The following NCR3 variants were observed in gnomAD, a reference collection of about 807,000 sequenced individuals.
NCR3 encodes NK-p30.
NCR3 carries 13 observed loss-of-function variants against 16.1 expected under a neutral mutation model. That is an observed-to-expected ratio of 0.81 (90% CI 0.53 to 1.28). NCR3 has a LOEUF of 1.28. Among genes scored for constraint, NCR3 ranks in the 50% most tolerant of loss-of-function variants. NCR3 has a pLI of 0.00. For missense variants in NCR3, 202 were observed against 256.8 expected, an observed-to-expected ratio of 0.79 and a Z score of 1.46; for synonymous variants, 98 against 106.6, an observed-to-expected ratio of 0.92 and a Z score of 0.50.
rs1319773587 is a variant in NCR3 at position 31,589,262 on chromosome 6, T to C, written c.497-86A>G. Reference sequence around the variant, plus strand: ...GAATGGAGAAGAAAACACTTGAGACTCATGAGGAGTTAGTGGTGGGGCAGA... The same window carrying C: ...GAATGGAGAAGAAAACACTTGAGACCCATGAGGAGTTAGTGGTGGGGCAGA... On this transcript the variant is annotated intron_variant, in intron 3 of 3. Coordinates refer to ENST00000340027, the MANE Select transcript of NCR3 (RefSeq NM_147130.3). The surrounding 1 kb of genome is among the most constrained non-coding windows in gnomAD (Gnocchi z 4.8). 3 of 1,558,430 alleles carry C rather than the reference T, an allele frequency of 1.9e-6. No individual in the cohort carries two copies. The highest frequency in any genetic ancestry group is 2.6e-6 in the Non-Finnish European group (3 of 1,150,476).
Position 31,589,843 on chromosome 6 carries a change from T to C in NCR3, c.327A>G (p.Arg109=), listed in dbSNP as rs1490893973. 11 of 1,613,070 alleles carry C rather than the reference T, an allele frequency of 6.8e-6. No individual in the cohort carries two copies. The highest frequency in any genetic ancestry group is 2.7e-5 in the African/African-American group (2 of 74,908). Residue 109 remains arginine, a synonymous_variant, in exon 2 of 4, where the codon AGA becomes AGG. Transcript: ENST00000340027. The surrounding 1 kb of genome is among the most constrained non-coding windows in gnomAD (Gnocchi z 4.8). The part of the protein sequence containing the change: ...RGHDASIYVC[R]VEVLGLGVGT... ...CGACACCAAGGCCCAGCACCTCCAC[T>C]CTGCACACGTAGATGCTGGCGTCAT...
chr6:31,591,130 G>A (rs1433806135), intron 1 of NCR3, among the ~76,000 whole-genome samples: 6 of 152,062 alleles, frequency 3.9e-5, no homozygotes, highest in Non-Finnish European at 8.8e-5. Context: ...CACCTGCCTC[G>A]GCCTCCCAAA....
At position 31,589,230 on chromosome 6, in the gene NCR3, A is replaced by T. The variant is rs779734584; in HGVS notation, c.497-54T>A. ...GGAATCCGGAGAGAGTAGATTTGGCATCTGGAGAATGGAGAAGAAAACACT... is the reference window on the plus strand; with the variant it reads ...GGAATCCGGAGAGAGTAGATTTGGCTTCTGGAGAATGGAGAAGAAAACACT... On this transcript the variant is annotated intron_variant, in intron 3 of 3. Coordinates refer to ENST00000340027, the MANE Select transcript of NCR3 (RefSeq NM_147130.3). This position sits in a 1 kb window ranked among gnomAD's most constrained non-coding sequence, Gnocchi z 4.8. 26 of 1,586,298 alleles carry T rather than the reference A, an allele frequency of 1.6e-5. No individual in the cohort carries two copies. The highest frequency in any genetic ancestry group is 2.1e-5 in the Non-Finnish European group (25 of 1,165,686).
Position 31,589,082 on chromosome 6 carries a change from TG to T in NCR3, c.590del (p.Pro197GlnfsTer63), listed in dbSNP as rs1341012776. On this transcript the variant is annotated frameshift_variant, in exon 4 of 4. Coordinates refer to ENST00000340027, the MANE Select transcript of NCR3 (RefSeq NM_147130.3). LOFTEE classifies it high-confidence loss of function. The surrounding 1 kb of genome is among the most constrained non-coding windows in gnomAD (Gnocchi z 4.8). The stretch of plus-strand genomic sequence containing the variant: ...ACAATCAGGCTCAGCCTCCTGGGAC[TG>T]GGGGAAGCAGATGTGCTGAGCTCCC... Reference protein sequence around the residue: ...PCGSSAHLLPPVPGG With the variant: ...PCGSSAHLLPXVPGG 6.3e-7 allele frequency: 1 copy of T among 1,594,012 alleles called. No homozygotes were observed. Among genetic ancestry groups the T allele is most frequent in the African/African-American group, 1.3e-5 (1 of 74,218 alleles).
intron 1 of NCR3, among the ~76,000 whole-genome samples, chr6:31,590,996 C>T (rs1424644181): frequency 2.0e-5 from 3 of 152,056 alleles, no homozygotes; most frequent in Admixed American, 6.6e-5. Flanking sequence ...CCCACCACCA[C>T]GACTGGCTAA....
chr6:31,590,128 TG>T lies in NCR3; in HGVS notation c.44-3del, dbSNP rs747211099. ...GGGACACCCAGAGAGCACAGGATCC[TG>T]GGGGCAGAAGGAAGACCCAGAGAAA... On this transcript the variant is annotated splice_polypyrimidine_tract_variant and splice_region_variant and intron_variant, in intron 1 of 3. Transcript: ENST00000340027. 352 of 1,602,380 alleles carry T rather than the reference TG, an allele frequency of 2.2e-4. 2 individuals carry two copies. In the Middle Eastern group the frequency reaches 4.0e-3, roughly 18 times the overall value.
At position 31,589,591 on chromosome 6, in the gene NCR3, G is replaced by T; in HGVS notation, c.431C>A (p.Ala144Asp). The change falls in exon 3 of 4, where the codon GCT becomes GAT. Residue 144 changes from alanine to aspartate, a missense_variant. Coordinates refer to ENST00000340027, the MANE Select transcript of NCR3 (RefSeq NM_147130.3). This position sits in a 1 kb window ranked among gnomAD's most constrained non-coding sequence, Gnocchi z 4.8. ...LGAGTVLLLR[A>D]GFYAVSFLSV... ...GAGAAAGCTGACAGCATAGAATCCA[G>T]CCCGAAGGAGGAGGACTGTACCAGC... The T allele has an allele frequency of 6.2e-7, 1 of 1,613,952 alleles. No homozygotes were observed. Among genetic ancestry groups the T allele is most frequent in the Non-Finnish European group, 8.5e-7 (1 of 1,180,032 alleles).
At chr6:31,590,271 C>A in intron 1 of NCR3, 145 bp from the exon 2 acceptor site, 1 of 669,096 alleles carries the variant, frequency 1.5e-6, no homozygotes, top group Non-Finnish European at 2.5e-6. Flanking sequence ...TTAAACCCTT[C>A]CCTCTTAACC....
Position 31,589,653 on chromosome 6 carries a change from C to T in NCR3, c.389-20G>A, listed in dbSNP as rs1463828279. ...GATGTTCTGCATGGGGCAATGGAGA[C>T]GGGGGTTGGGGAAGAAGTGCACACA... On this transcript the variant is annotated intron_variant, in intron 2 of 3. Coordinates refer to ENST00000340027, the MANE Select transcript of NCR3 (RefSeq NM_147130.3). This position sits in a 1 kb window ranked among gnomAD's most constrained non-coding sequence, Gnocchi z 4.8. 1.2e-6 allele frequency: 2 copies of T among 1,612,622 alleles called. No homozygotes were observed. Among genetic ancestry groups the T allele is most frequent in the South Asian group, 1.1e-5 (1 of 91,056 alleles).
chr6:31,589,240 T>C lies in NCR3; in HGVS notation c.497-64A>G, dbSNP rs1326699750. ...GAGAGTAGATTTGGCATCTGGAGAA[T>C]GGAGAAGAAAACACTTGAGACTCAT... On this transcript the variant is annotated intron_variant, in intron 3 of 3. Coordinates refer to ENST00000340027, the MANE Select transcript of NCR3 (RefSeq NM_147130.3). This position sits in a 1 kb window ranked among gnomAD's most constrained non-coding sequence, Gnocchi z 4.8. 11 of 1,575,728 alleles carry C rather than the reference T, an allele frequency of 7.0e-6. No homozygotes were observed. The highest frequency in any genetic ancestry group is 1.4e-5 in the African/African-American group (1 of 73,948).
At position 31,588,934 on chromosome 6, in the gene NCR3, TG is replaced by T; in HGVS notation, c.*132del. The T allele has an allele frequency of 9.6e-7, 1 of 1,036,394 alleles. No homozygotes were observed. The highest frequency in any genetic ancestry group is 1.4e-6 in the Non-Finnish European group (1 of 724,264). The allele number at this position is 1,036,394 out of a possible 1,614,324, so 64.2% of individuals were successfully genotyped here. A position where few individuals can be genotyped will look rare whatever the true frequency, so the allele number is the denominator to read the frequency against. ...ACTCTGGGGTCAAATAGTAATTTAT[TG>T]GGTGAATGACAGTGTTCAGGGACCC... On this transcript the variant is annotated 3_prime_UTR_variant, in exon 4 of 4. Coordinates refer to ENST00000340027, the MANE Select transcript of NCR3 (RefSeq NM_147130.3).
rs772281371 is a variant in NCR3 at position 31,589,292 on chromosome 6, T to C, written c.497-116A>G. The C allele has an allele frequency of 1.9e-6, 3 of 1,552,480 alleles. No individual in the cohort carries two copies. Among genetic ancestry groups the C allele is most frequent in the Non-Finnish European group, 1.7e-6 (2 of 1,147,240 alleles). ...AGGAGTTAGTGGTGGGGCAGATTTA[T>C]TGGGGTCTTTTGAAGAGGACTAGGG... On this transcript the variant is annotated intron_variant, in intron 3 of 3. Coordinates refer to ENST00000340027, the MANE Select transcript of NCR3 (RefSeq NM_147130.3). This position sits in a 1 kb window ranked among gnomAD's most constrained non-coding sequence, Gnocchi z 4.8.
At chr6:31,592,031 C>T (rs578034929) in intron 1 of NCR3, among the ~76,000 whole-genome samples, 2 of 152,224 alleles carry the variant, frequency 1.3e-5, no homozygotes, top group South Asian at 4.1e-4. Context: ...AGGCAGATCA[C>T]CTGAGGTCAG....
At position 31,589,864 on chromosome 6, in the gene NCR3, G is replaced by A. The variant is rs745812938; in HGVS notation, c.306C>T (p.Asp102=). Residue 102 remains aspartate (D), a synonymous_variant, in exon 2 of 4, where the codon GAC becomes GAT. Coordinates refer to ENST00000340027, the MANE Select transcript of NCR3 (RefSeq NM_147130.3). The surrounding 1 kb of genome is among the most constrained non-coding windows in gnomAD (Gnocchi z 4.8). ...ELHIRDVRGH[D]ASIYVCRVEV... ...CCACTCTGCACACGTAGATGCTGGCGTCATGGCCTCGCACGTCCCGGATGT... is the reference window on the plus strand; with the variant it reads ...CCACTCTGCACACGTAGATGCTGGCATCATGGCCTCGCACGTCCCGGATGT... The A allele has an allele frequency of 6.8e-6, 11 of 1,613,092 alleles. No homozygotes were observed. Among genetic ancestry groups the A allele is most frequent in the East Asian group, 4.5e-5 (2 of 44,900 alleles).
At chr6:31,591,314 T>C (rs1202616931) in intron 1 of NCR3, among the ~76,000 whole-genome samples, 1 of 152,254 alleles carries the variant, frequency 6.6e-6, no homozygotes, top group Non-Finnish European at 1.5e-5. Context: ...CAAGTCATTC[T>C]ATTTCAGTGG....
Position 31,592,850 on chromosome 6 carries a change from G to T in NCR3, c.-129C>A, listed in dbSNP as rs1222789537. On this transcript the variant is annotated 5_prime_UTR_variant, in exon 1 of 4. Coordinates refer to ENST00000340027, the MANE Select transcript of NCR3 (RefSeq NM_147130.3). ...ATGGGGAGCTTCCTATGACACACGG[G>T]ACTCACACATCACTTGCCAAGGACC... 3.3e-6 allele frequency: 3 copies of T among 903,130 alleles called. No homozygotes were observed. The highest frequency in any genetic ancestry group is 2.6e-5 in the East Asian group (1 of 38,844). 55.9% of individuals were successfully genotyped at this position (903,130 alleles called of 1,614,324 possible).
Position 31,592,016 on chromosome 6 carries a change from G to A in NCR3, c.43+663C>T, listed in dbSNP as rs556719943. 1.3e-4 allele frequency among the ~76,000 whole-genome samples: 19 copies of A among 151,706 alleles called. No homozygotes were observed. The South Asian group carries it at 2.3e-3, about 18-fold the overall frequency. ...TGTAATCCCCGCACTTTAGGAGGCC[G>A]AGGCAGGCAGATCACCTGAGGTCAG... On this transcript the variant is annotated intron_variant, in intron 1 of 3. Coordinates refer to ENST00000340027, the MANE Select transcript of NCR3 (RefSeq NM_147130.3).
chr6:31,589,529 T>C lies in NCR3; in HGVS notation c.493A>G (p.Lys165Glu). ...TGCCCCTGGCTCCATTACTCACATT[T>C]GCCCTGGTAATAGACGGTGCTGCCC... ...AVGSTVYYQG[K>E]CLTWKGPRRQ... The change falls in exon 3 of 4, where the codon AAA becomes GAA. Residue 165 changes from lysine (K) to glutamate (E), a missense_variant. By Grantham distance (56) the Lys-to-Glu change is moderately conservative. Coordinates refer to ENST00000340027, the MANE Select transcript of NCR3 (RefSeq NM_147130.3). The surrounding 1 kb of genome is among the most constrained non-coding windows in gnomAD (Gnocchi z 4.8). The C allele has an allele frequency of 1.2e-6, 2 of 1,614,052 alleles. No homozygotes were observed. The highest frequency in any genetic ancestry group is 1.7e-6 in the Non-Finnish European group (2 of 1,180,004).
At chr6:31,590,558 C>T (rs993079292) in intron 1 of NCR3, among the ~76,000 whole-genome samples, 1 of 151,988 alleles carries the variant, frequency 6.6e-6, no homozygotes, top group African/African-American at 2.4e-5. Flanking sequence ...GCCAAGATTG[C>T]GCCATTGCAC....
Sources: allele counts gnomAD v4.1 joint callset (sites outside exome capture counted in the v4.1 genomes callset), GRCh38; gene constraint gnomAD v4.1.1; non-coding constraint Gnocchi (gnomAD v3.1); transcripts MANE v1.5; gene names NCBI Gene and HGNC (gene_info 2026-07-23, HGNC 2026-07-21).